GAS2: variants seen among roughly 807,000 people sequenced by gnomAD.
The protein encoded by GAS2 is growth arrest-specific protein 2.
Under a neutral mutation model 37.5 loss-of-function variants are expected in GAS2, and 20 were observed. That is an observed-to-expected ratio of 0.53 (90% CI 0.37 to 0.77). GAS2 has a LOEUF of 0.77. Ranked by LOEUF, GAS2 falls within the 30% of genes least tolerant of loss-of-function variation. The pLI, the probability that GAS2 is intolerant of heterozygous loss-of-function variation, is 0.00. For missense variants in GAS2, 336 were observed against 373.4 expected, an observed-to-expected ratio of 0.90 and a Z score of 0.82; for synonymous variants, 144 against 132.2, an observed-to-expected ratio of 1.09 and a Z score of -0.61.
chr11:22,647,079 C>G (rs7943788), intron 1 of GAS2, among the ~76,000 whole-genome samples: 1,486 of 121,300 alleles, frequency 0.012, 17 homozygotes, highest in East Asian at 0.086. Context: ...CCCCTCCCCC[C>G]ACCCCACAAC....
chr11:22,681,530 G>A (rs918990158), intron 2 of GAS2, among the ~76,000 whole-genome samples: 2 of 151,974 alleles, frequency 1.3e-5, no homozygotes, highest in African/African-American at 2.4e-5. Flanking sequence ...GACCAGCACC[G>A]GTCAGGACTT....
intron 7 of GAS2, among the ~76,000 whole-genome samples, chr11:22,790,898 T>C (rs977239510): frequency 6.6e-6 from 1 of 152,186 alleles, no homozygotes; most frequent in Admixed American, 6.5e-5. Context: ...AGAGAAGACC[T>C]GTTTTTTGCT....
Position 22,764,734 on chromosome 11 carries a change from A to G in GAS2, c.723+8781A>G, listed in dbSNP as rs566589204. On this transcript the variant is annotated intron_variant, in intron 7 of 7. Coordinates refer to ENST00000454584, the MANE Select transcript of GAS2 (RefSeq NM_001143830.3). ...AGTTAGAGAGCTCATTTCTTCTTCC[A>G]CTGACATTAAATGTGAAAAACAATA... is the stretch of plus-strand genomic sequence containing the variant. Among the ~76,000 whole-genome samples, 184 of 152,308 alleles carry G rather than the reference A, an allele frequency of 1.2e-3. 1 individual carries two copies. Among genetic ancestry groups the G allele is most frequent in the African/African-American group, 4.1e-3 (169 of 41,564 alleles).
intron 7 of GAS2, among the ~76,000 whole-genome samples, chr11:22,799,450 A>C (rs1856566653): frequency 6.6e-6 from 1 of 152,016 alleles, no homozygotes; most frequent in African/African-American, 2.4e-5. Flanking sequence ...TTCTGTCATG[A>C]TATTTGTTTC....
chr11:22,655,599 A>G (rs555863434), intron 1 of GAS2, among the ~76,000 whole-genome samples: 6 of 152,308 alleles, frequency 3.9e-5, no homozygotes, highest in East Asian at 1.9e-4. Context: ...GAAATTACCA[A>G]TTTTCTTTGG....
At chr11:22,659,233 C>T (rs1590581647) in intron 1 of GAS2, among the ~76,000 whole-genome samples, 1 of 152,298 alleles carries the variant, frequency 6.6e-6, no homozygotes, top group East Asian at 1.9e-4. Context: ...CTCTGATAAT[C>T]TAATCCAACT....
chr11:22,721,591 T>C (rs1851951252), intron 3 of GAS2, among the ~76,000 whole-genome samples: 2 of 152,158 alleles, frequency 1.3e-5, no homozygotes, highest in African/African-American at 4.8e-5. Context: ...TACTATCTAA[T>C]ATGATAGCCA....
At chr11:22,754,198 A>G (rs1853894718) in intron 6 of GAS2, among the ~76,000 whole-genome samples, 1 of 152,012 alleles carries the variant, frequency 6.6e-6, no homozygotes, top group African/African-American at 2.4e-5. Flanking sequence ...TTGTTCCTCT[A>G]ATTTCCCCCT....
chr11:22,770,955 C>G (rs1416343490), intron 7 of GAS2, among the ~76,000 whole-genome samples: 1 of 152,154 alleles, frequency 6.6e-6, no homozygotes, highest in Non-Finnish European at 1.5e-5. Flanking sequence ...ACTATATCTC[C>G]ACAGCCAAAG....
upstream of GAS2, among the ~76,000 whole-genome samples, chr11:22,664,640 A>G (rs1023527619): frequency 6.6e-6 from 1 of 152,130 alleles, no homozygotes; most frequent in African/African-American, 2.4e-5. Flanking sequence ...GTTGGACTAC[A>G]TTTTCCTAAG....
At chr11:22,698,704 G>T (rs977405236) in intron 3 of GAS2, among the ~76,000 whole-genome samples, 1 of 151,976 alleles carries the variant, frequency 6.6e-6, no homozygotes, top group Non-Finnish European at 1.5e-5. Context: ...GGGATGCAAG[G>T]CTGGTTCAAT....
chr11:22,727,731 T>C (rs1043870446), intron 4 of GAS2, among the ~76,000 whole-genome samples: 1 of 152,010 alleles, frequency 6.6e-6, no homozygotes, highest in African/African-American at 2.4e-5. Flanking sequence ...CATTTCCTCA[T>C]ATCAAAGTAA....
intron 4 of GAS2, among the ~76,000 whole-genome samples, chr11:22,736,504 C>G (rs1339803467): frequency 6.6e-6 from 1 of 151,898 alleles, no homozygotes; most frequent in African/African-American, 2.4e-5. Flanking sequence ...TTGGATGTCT[C>G]CTTAAAACCA....
rs1210131343 is a variant in GAS2 at position 22,812,998 on chromosome 11, G to A, written c.*982G>A. 1 of 152,504 alleles carries A rather than the reference G, an allele frequency of 6.6e-6. No individual in the cohort carries two copies. Among genetic ancestry groups the A allele is most frequent in the Middle Eastern group, 3.2e-3 (1 of 314 alleles). 9.4% of individuals were successfully genotyped at this position (152,504 alleles called of 1,614,324 possible). A position where few individuals can be genotyped will look rare whatever the true frequency, so the allele number is the denominator to read the frequency against. ...AATTAAAAGGATAAATTTTAAAAAT[G>A]TTATCTGTCTCTAAATCAATGCCTC... On this transcript the variant is annotated 3_prime_UTR_variant, in exon 8 of 8. Coordinates refer to ENST00000454584, the MANE Select transcript of GAS2 (RefSeq NM_001143830.3).
intron 5 of GAS2, among the ~76,000 whole-genome samples, chr11:22,739,724 A>G (rs1003085090): frequency 3.9e-5 from 6 of 152,010 alleles, no homozygotes; most frequent in Admixed American, 6.6e-5. Flanking sequence ...ACTTAAAGAG[A>G]GAACAGACAA....
chr11:22,698,194 C>T (rs1196521275), intron 3 of GAS2, among the ~76,000 whole-genome samples: 1 of 152,128 alleles, frequency 6.6e-6, no homozygotes, highest in Non-Finnish European at 1.5e-5. Flanking sequence ...GATATCACCA[C>T]CCATCCCACA....
intron 7 of GAS2, among the ~76,000 whole-genome samples, chr11:22,765,603 C>A (rs1429095271): frequency 6.6e-6 from 1 of 151,946 alleles, no homozygotes; most frequent in Non-Finnish European, 1.5e-5. Context: ...CACTGTGAAA[C>A]CCTGTCTCTA....
intron 3 of GAS2, among the ~76,000 whole-genome samples, chr11:22,720,925 C>T (rs1475852657): frequency 6.6e-6 from 1 of 151,996 alleles, no homozygotes; most frequent in African/African-American, 2.4e-5. Context: ...TGTTTTAATG[C>T]TGCCTGGACA....
chr11:22,661,137 A>T (rs1565070363), intron 1 of GAS2, among the ~76,000 whole-genome samples: 1 of 152,194 alleles, frequency 6.6e-6, no homozygotes. Context: ...ATCCCAAGAA[A>T]TGTGATACTA....
Sources: allele counts gnomAD v4.1 joint callset (sites outside exome capture counted in the v4.1 genomes callset), GRCh38; gene constraint gnomAD v4.1.1; transcripts MANE v1.5; gene names NCBI Gene and HGNC (gene_info 2026-07-23, HGNC 2026-07-21).